The following OTUD7A variants were observed in gnomAD, a reference collection of about 807,000 sequenced individuals.
The protein encoded by OTUD7A is OTU domain-containing protein 7A.
In OTUD7A, 12 loss-of-function variants were observed where a neutral mutation model predicts 65.7. The observed-to-expected ratio is 0.18, with a 90% confidence interval of 0.12 to 0.30. The LOEUF (loss-of-function observed/expected upper bound fraction) is 0.30. Ranked by LOEUF, OTUD7A falls within the 10% of genes least tolerant of loss-of-function variation. OTUD7A has a pLI of 1.00. For missense variants in OTUD7A, 1,148 were observed against 1,304.8 expected (o/e 0.88, Z 1.85); for synonymous variants, 641 against 586.3 (o/e 1.09, Z -1.35).
intron 1 of OTUD7A, among the ~76,000 whole-genome samples, chr15:31,668,393 T>TTA (rs1350287468): frequency 4.6e-5 from 7 of 152,262 alleles, no homozygotes; most frequent in Non-Finnish European, 1.0e-4. Flanking sequence ...TCAAAGACTT[T>TTA]GTCTTCGAGC....
intron 1 of OTUD7A, among the ~76,000 whole-genome samples, chr15:31,663,741 T>C (rs1263112481): frequency 2.0e-5 from 3 of 152,126 alleles, no homozygotes; most frequent in South Asian, 2.1e-4. Context: ...AGTTCTTCAG[T>C]GGCGATTTTT....
intron 1 of OTUD7A, among the ~76,000 whole-genome samples, chr15:31,695,216 T>C (rs1893050099): frequency 7.2e-6 from 1 of 139,626 alleles, no homozygotes; most frequent in African/African-American, 2.5e-5. Context: ...CTATTGTGGA[T>C]AGAGTGCTGC....
chr15:31,623,524 A>C (rs906648574), intron 3 of OTUD7A, among the ~76,000 whole-genome samples: 1 of 152,226 alleles, frequency 6.6e-6, no homozygotes, highest in Non-Finnish European at 1.5e-5. Context: ...CTGCTGTGCT[A>C]GCAATGAGCG....
At chr15:31,541,064 C>T (rs1282542216) in intron 5 of OTUD7A, among the ~76,000 whole-genome samples, 1 of 152,226 alleles carries the variant, frequency 6.6e-6, no homozygotes, top group Non-Finnish European at 1.5e-5. Context: ...TGTCCTTCAA[C>T]ACAGATTGCT....
intron 1 of OTUD7A, among the ~76,000 whole-genome samples, chr15:31,817,631 G>A (rs1400920983): frequency 6.6e-6 from 1 of 152,096 alleles, no homozygotes; most frequent in African/African-American, 2.4e-5. Context: ...ACTCTACATG[G>A]GAACCTAAGC....
chr15:31,597,328 A>G (rs1158864684), intron 3 of OTUD7A, among the ~76,000 whole-genome samples: 1 of 152,046 alleles, frequency 6.6e-6, no homozygotes, highest in African/African-American at 2.4e-5. Context: ...TGGCCTCTCT[A>G]AAACATGTTT....
chr15:31,503,928 C>CT, intron 8 of OTUD7A, 110 bp from the exon 9 acceptor site: 1 of 1,313,200 alleles, frequency 7.6e-7, no homozygotes, highest in Non-Finnish European at 1.1e-6. Flanking sequence ...TGGATATTAT[C>CT]TTCATGGACC....
At chr15:31,744,669 A>G (rs372775031) in intron 1 of OTUD7A, among the ~76,000 whole-genome samples, 14 of 152,132 alleles carry the variant, frequency 9.2e-5, no homozygotes, top group Admixed American at 3.9e-4. Context: ...TAGTCTTAAT[A>G]CTTGTACAAA....
At chr15:31,722,348 C>A (rs1412913974) in intron 1 of OTUD7A, among the ~76,000 whole-genome samples, 2 of 152,228 alleles carry the variant, frequency 1.3e-5, no homozygotes, top group Non-Finnish European at 2.9e-5. Context: ...GGTATATATT[C>A]TATGGCCATT....
intron 4 of OTUD7A, among the ~76,000 whole-genome samples, chr15:31,563,034 A>G (rs1888744585): frequency 6.6e-6 from 1 of 151,326 alleles, no homozygotes; most frequent in Non-Finnish European, 1.5e-5. Context: ...GGCTCAATTA[A>G]TAGGATTATG....
At chr15:31,548,669 A>AG (rs891215425) in intron 5 of OTUD7A, among the ~76,000 whole-genome samples, 5 of 152,180 alleles carry the variant, frequency 3.3e-5, no homozygotes, top group African/African-American at 9.7e-5. Flanking sequence ...AGCACATAGG[A>AG]GATCCCCAAT....
intron 1 of OTUD7A, among the ~76,000 whole-genome samples, chr15:31,790,687 A>C (rs755654752): frequency 1.6e-4 from 24 of 152,124 alleles, no homozygotes; most frequent in Admixed American, 2.0e-4. Context: ...ACCAGCCAAT[A>C]TCATGGAAAC....
Position 31,487,275 on chromosome 15 carries a change from A to G in OTUD7A, c.1290T>C (p.Leu430=). 3 of 1,613,940 alleles carry G rather than the reference A, an allele frequency of 1.9e-6. No homozygotes were observed. Among genetic ancestry groups the G allele is most frequent in the African/African-American group, 1.3e-5 (1 of 75,040 alleles). ...TCAGCTTGGCTTCTAGCGACAGGAT[A>G]AGGCTGGCAAGAGAAGAATATCCTA... ...DDNDNARLAH[L]ILSLEAKLNL... is the part of the protein sequence containing the mutation. The change falls in exon 12 of 13, where the codon CTT becomes CTC. Residue 430 remains leucine, a synonymous_variant. Transcript: ENST00000307050. The surrounding 1 kb of genome is among the most constrained non-coding windows in gnomAD (Gnocchi z 6.0).
intron 1 of OTUD7A, among the ~76,000 whole-genome samples, chr15:31,805,681 T>A (rs961141424): frequency 6.6e-6 from 1 of 152,142 alleles, no homozygotes; most frequent in Non-Finnish European, 1.5e-5. Context: ...TGAAGAGAGT[T>A]ACAGGGCAGG....
At chr15:31,593,866 T>G (rs1039110631) in intron 3 of OTUD7A, among the ~76,000 whole-genome samples, 1 of 152,216 alleles carries the variant, frequency 6.6e-6, no homozygotes, top group African/African-American at 2.4e-5. Context: ...CAACAGTGTT[T>G]CTACTATTGC....
At chr15:31,571,968 C>A (rs1218144013) in intron 3 of OTUD7A, among the ~76,000 whole-genome samples, 3 of 152,134 alleles carry the variant, frequency 2.0e-5, no homozygotes, top group Non-Finnish European at 4.4e-5. Flanking sequence ...CTCTTCCTGC[C>A]CTTAAAACAC....
At chr15:31,857,549 A>G (rs1404671487) in intron 1 of OTUD7A, among the ~76,000 whole-genome samples, 1 of 152,080 alleles carries the variant, frequency 6.6e-6, no homozygotes, top group Non-Finnish European at 1.5e-5. Context: ...CCTGGGACCC[A>G]GGAGGAGTGT....
intron 1 of OTUD7A, among the ~76,000 whole-genome samples, chr15:31,847,945 G>A (rs2141001396): frequency 6.6e-6 from 1 of 152,306 alleles, no homozygotes; most frequent in East Asian, 1.9e-4. Context: ...TCACTATCAT[G>A]AGAACAGCAA....
chr15:31,699,533 C>T (rs1241714154), intron 1 of OTUD7A, among the ~76,000 whole-genome samples: 3 of 152,124 alleles, frequency 2.0e-5, no homozygotes, highest in Admixed American at 2.0e-4. Context: ...CAATAATATG[C>T]TTATGTGACC....
Sources: gnomAD v4.1 joint callset for allele counts (sites outside exome capture counted in the v4.1 genomes callset) on GRCh38, gnomAD v4.1.1 for gene constraint, Gnocchi (gnomAD v3.1) non-coding constraint, MANE v1.5 for transcripts, NCBI Gene and HGNC (gene_info 2026-07-23, HGNC 2026-07-21) for gene names.